The following TAFA5 variants were observed in gnomAD, a reference collection of about 807,000 sequenced individuals.
The protein encoded by TAFA5 is chemokine-like protein TAFA-5.
Under a neutral mutation model 15.3 loss-of-function variants are expected in TAFA5, and 6 were observed. The observed-to-expected ratio is 0.39, with a 90% CI of 0.21 to 0.77. The LOEUF (loss-of-function observed/expected upper bound fraction) is 0.77, where lower values mean the gene tolerates loss of function less well. TAFA5 is among the 30% of genes least tolerant of loss of function. TAFA5 has a pLI of 0.41. For missense variants in TAFA5, 161 were observed against 193.1 expected, an observed-to-expected ratio of 0.83 and a Z score of 0.98; for synonymous variants, 103 against 80.7, an observed-to-expected ratio of 1.28 and a Z score of -1.48.
At chr22:48,659,738 C>G (rs1439443648) in intron 2 of TAFA5, among the ~76,000 whole-genome samples, 2 of 112,832 alleles carry the variant, frequency 1.8e-5, no homozygotes, top group Non-Finnish European at 3.5e-5. Flanking sequence ...CGTCCCTGGC[C>G]TTTTTGGTGG....
chr22:48,560,479 C>T lies in TAFA5; in HGVS notation c.112+70775C>T, dbSNP rs1923191063. ...GGGCAAGGACAGTGCCAGCAGGCGCCCCCAGTGTGAACTAATGTGAGGTGC... is the reference window on the plus strand; with the variant it reads ...GGGCAAGGACAGTGCCAGCAGGCGCTCCCAGTGTGAACTAATGTGAGGTGC... On this transcript the variant is annotated intron_variant, in intron 1 of 3. Transcript: ENST00000402357. The surrounding 1 kb of genome is among the most constrained non-coding windows in gnomAD (Gnocchi z 4.2). Among the ~76,000 whole-genome samples the T allele has an allele frequency of 6.6e-6, 1 of 152,162 alleles. No individual in the cohort carries two copies. The highest frequency in any genetic ancestry group is 2.4e-5 in the African/African-American group (1 of 41,420).
At chr22:48,718,620 G>A (rs577671838) in intron 3 of TAFA5, among the ~76,000 whole-genome samples, 1 of 152,278 alleles carries the variant, frequency 6.6e-6, no homozygotes, top group Admixed American at 6.5e-5. Flanking sequence ...GCACAGCCAA[G>A]CCGGGGCCTT....
intron 1 of TAFA5, among the ~76,000 whole-genome samples, chr22:48,611,960 C>G (rs1485649158): frequency 6.6e-6 from 1 of 152,188 alleles, no homozygotes; most frequent in Non-Finnish European, 1.5e-5. Context: ...TCCTGGGTCC[C>G]TGTTTACTGC....
intron 3 of TAFA5, among the ~76,000 whole-genome samples, chr22:48,729,680 TAA>T (rs1569097014): frequency 6.1e-5 from 9 of 147,282 alleles, no homozygotes; most frequent in South Asian, 4.2e-4. Context: ...TATAAATTTA[TAA>T]GTTTATATTT....
At chr22:48,540,619 G>C (rs1173894352) in intron 1 of TAFA5, among the ~76,000 whole-genome samples, 1 of 140,464 alleles carries the variant, frequency 7.1e-6, no homozygotes, top group South Asian at 2.3e-4. Flanking sequence ...TGCCTCAAAT[G>C]CATCTTTTGT....
At chr22:48,656,818 G>A (rs1927269762) in intron 2 of TAFA5, among the ~76,000 whole-genome samples, 1 of 123,988 alleles carries the variant, frequency 8.1e-6, no homozygotes, top group Non-Finnish European at 1.6e-5. Context: ...AGGCTAGAGT[G>A]CAGTGGTGTG....
chr22:48,629,553 G>A (rs5771742), intron 1 of TAFA5, among the ~76,000 whole-genome samples: 23,019 of 152,218 alleles, frequency 0.15, 1,756 homozygotes, highest in Admixed American at 0.17. Context: ...ATCCTCTTAA[G>A]ATTGGGGTGG....
At chr22:48,640,770 G>A (rs1926643873) in intron 1 of TAFA5, among the ~76,000 whole-genome samples, 4 of 152,240 alleles carry the variant, frequency 2.6e-5, no homozygotes, top group Admixed American at 2.6e-4. Flanking sequence ...TCTGAATTAG[G>A]AAGTGAGTGG....
At chr22:48,687,303 G>C (rs928473746) in intron 2 of TAFA5, among the ~76,000 whole-genome samples, 19 of 150,770 alleles carry the variant, frequency 1.3e-4, no homozygotes, top group Non-Finnish European at 2.1e-4. Flanking sequence ...TGGGTGGATG[G>C]GTGGGTGGAT....
At chr22:48,699,391 A>G (rs1005068888) in intron 2 of TAFA5, among the ~76,000 whole-genome samples, 1 of 152,144 alleles carries the variant, frequency 6.6e-6, no homozygotes, top group Non-Finnish European at 1.5e-5. Context: ...AAGCAAACAC[A>G]AAACAGCGAA....
intron 1 of TAFA5, among the ~76,000 whole-genome samples, chr22:48,571,954 C>T (rs902439832): frequency 1.3e-5 from 2 of 152,106 alleles, no homozygotes; most frequent in Admixed American, 6.5e-5. Context: ...TTAAAATGGT[C>T]CACTCACATT....
At chr22:48,576,634 CGCCCGACCCGGCTTCCAGCACGTTCCGCT>C (rs1923817767) in intron 1 of TAFA5, 1 of 1,293,264 alleles carries the variant, frequency 7.7e-7, no homozygotes, top group Non-Finnish European at 9.9e-7. Context: ...GCGGCTCCGG[CGCCCGACCCGGCTTCCAGCACGTTCCGCT>C]GCCGCCGCGC....
chr22:48,582,862 A>G (rs1030963393), intron 1 of TAFA5, among the ~76,000 whole-genome samples: 23 of 145,720 alleles, frequency 1.6e-4, no homozygotes, highest in African/African-American at 5.7e-4. Context: ...CACACACACC[A>G]CACGCAAAAT....
chr22:48,607,147 T>C (rs1244583251), intron 1 of TAFA5, among the ~76,000 whole-genome samples: 3 of 152,346 alleles, frequency 2.0e-5, no homozygotes, highest in South Asian at 2.1e-4. Context: ...TGCATGGATC[T>C]GGGGCCAGCC....
intron 2 of TAFA5, among the ~76,000 whole-genome samples, chr22:48,667,230 C>G (rs530906907): frequency 6.6e-6 from 1 of 151,886 alleles, no homozygotes; most frequent in South Asian, 2.1e-4. Flanking sequence ...CGCCCGCCCT[C>G]CCCAGCCAGC....
chr22:48,702,703 C>T (rs1202063889), intron 2 of TAFA5, among the ~76,000 whole-genome samples: 2 of 152,266 alleles, frequency 1.3e-5, no homozygotes, highest in Non-Finnish European at 2.9e-5. Flanking sequence ...CACGCCGCTT[C>T]CCTTCCCTGA....
intron 3 of TAFA5, among the ~76,000 whole-genome samples, chr22:48,722,533 A>T (rs1480327179): frequency 6.6e-6 from 1 of 152,042 alleles, no homozygotes; most frequent in African/African-American, 2.4e-5. Flanking sequence ...CAGGGAGGGG[A>T]ACATCACACA....
chr22:48,531,736 T>C (rs9615916), intron 1 of TAFA5, among the ~76,000 whole-genome samples: 113,422 of 152,052 alleles, frequency 0.75, 42,405 homozygotes, highest in Middle Eastern at 0.85. Context: ...GAAAGGGGTT[T>C]GTACAGGGAG....
At chr22:48,701,310 G>A (rs564642537) in intron 2 of TAFA5, among the ~76,000 whole-genome samples, 5 of 152,288 alleles carry the variant, frequency 3.3e-5, no homozygotes, top group East Asian at 1.9e-4. Context: ...AGATGCAGGC[G>A]TGGTGAGAGG....
Sources: allele counts gnomAD v4.1 joint callset (sites outside exome capture counted in the v4.1 genomes callset), GRCh38; gene constraint gnomAD v4.1.1; non-coding constraint Gnocchi (gnomAD v3.1); transcripts MANE v1.5; gene names NCBI Gene and HGNC (gene_info 2026-07-23, HGNC 2026-07-21).